ZNF787: variants seen among roughly 807,000 people sequenced by gnomAD.
ZNF787 encodes TTF-I-interacting peptide 20.
A neutral mutation model predicts 16.9 loss-of-function variants in ZNF787; 7 were observed. The observed-to-expected ratio is 0.42, with a 90% CI of 0.24 to 0.78. The LOEUF is 0.78. Among genes scored for constraint, ZNF787 ranks in the 30% least tolerant of loss-of-function variants. ZNF787 has a pLI of 0.30. For missense variants in ZNF787, 551 were observed against 589.3 expected, an observed-to-expected ratio of 0.94 and a Z score of 0.67; for synonymous variants, 345 against 270.9, an observed-to-expected ratio of 1.27 and a Z score of -2.69.
Position 56,088,197 on chromosome 19 carries a change from G to A in ZNF787, c.975C>T (p.Gly325=), listed in dbSNP as rs1464043903. Residue 325 remains glycine (G), a synonymous_variant, in exon 3 of 3, where the codon GGC becomes GGT. Transcript: ENST00000610935. The surrounding 1 kb of genome is among the most constrained non-coding windows in gnomAD (Gnocchi z 8.6). The part of the protein sequence containing the change: ...PAHICVECGE[G]FVQGAALRRH... ...TCCGGAGCGCGGCGCCCTGCACGAA[G>A]CCCTCCCCGCACTCCACGCAGATGT... The A allele has an allele frequency of 3.3e-6, 5 of 1,538,072 alleles. No individual in the cohort carries two copies. Among genetic ancestry groups the A allele is most frequent in the East Asian group, 5.4e-5 (2 of 37,218 alleles).
intron 1 of ZNF787, among the ~76,000 whole-genome samples, chr19:56,115,412 G>A (rs1476230801): frequency 6.9e-6 from 1 of 144,032 alleles, no homozygotes; most frequent in Non-Finnish European, 1.5e-5. Flanking sequence ...AGGCTGGAGT[G>A]CAGTGGCGCG....
chr19:56,090,146 G>A (rs972059397), intron 2 of ZNF787, among the ~76,000 whole-genome samples: 4 of 152,120 alleles, frequency 2.6e-5, no homozygotes, highest in African/African-American at 7.2e-5. Context: ...CACCTGGCAC[G>A]GTGGTGCCCA....
Position 56,088,475 on chromosome 19 carries a change from T to C in ZNF787, c.697A>G (p.Ile233Val). Residue 233 changes from isoleucine (I) to valine (V), a missense_variant, in exon 3 of 3, where the codon ATC becomes GTC. Physicochemically the swap from Ile to Val is conservative, Grantham distance 29. Transcript: ENST00000610935. This position sits in a 1 kb window ranked among gnomAD's most constrained non-coding sequence, Gnocchi z 8.6. Reference sequence around the variant, plus strand: ...TCGCCATCGCCCACGGGGATGGCGATCTCGCCGTCCGCCGCCACCGCCTCT... The same window carrying C: ...TCGCCATCGCCCACGGGGATGGCGACCTCGCCGTCCGCCGCCACCGCCTCT... ...PEEAVAADGE[I>V]AIPVGDGEGI... 1 of 1,335,128 alleles carries C rather than the reference T, an allele frequency of 7.5e-7. No individual in the cohort carries two copies. The highest frequency in any genetic ancestry group is 9.6e-7 in the Non-Finnish European group (1 of 1,044,790). The allele number at this position is 1,335,128 out of a possible 1,614,324, so 82.7% of individuals were successfully genotyped here. A position where few individuals can be genotyped will look rare whatever the true frequency, so the allele number is the denominator to read the frequency against.
chr19:56,092,420 G>A (rs896383977), intron 2 of ZNF787, among the ~76,000 whole-genome samples: 12 of 152,062 alleles, frequency 7.9e-5, no homozygotes, highest in African/African-American at 1.2e-4. Context: ...TACGCCCCAG[G>A]CTCTACCTCT....
chr19:56,099,843 G>A (rs1986024864), intron 2 of ZNF787, among the ~76,000 whole-genome samples: 1 of 152,098 alleles, frequency 6.6e-6, no homozygotes, highest in African/African-American at 2.4e-5. Flanking sequence ...GAGGCAGACG[G>A]GGAGACAGTG....
At chr19:56,111,460 G>A (rs1010083938) in intron 1 of ZNF787, among the ~76,000 whole-genome samples, 2 of 152,166 alleles carry the variant, frequency 1.3e-5, no homozygotes, top group Non-Finnish European at 2.9e-5. Context: ...GCACCCACCC[G>A]TGGGTGAAAT....
intron 1 of ZNF787, among the ~76,000 whole-genome samples, chr19:56,118,238 T>C (rs1047061976): frequency 6.6e-6 from 1 of 152,006 alleles, no homozygotes; most frequent in African/African-American, 2.4e-5. Flanking sequence ...TCCTTGGGGG[T>C]TGCATGGATC....
intron 1 of ZNF787, among the ~76,000 whole-genome samples, chr19:56,117,043 C>T (rs2030156626): frequency 6.6e-6 from 1 of 152,090 alleles, no homozygotes; most frequent in South Asian, 2.1e-4. Context: ...CTGGGCAGGG[C>T]AGGGTGGGAT....
Position 56,087,947 on chromosome 19 carries a change from G to T in ZNF787, c.*76C>A, listed in dbSNP as rs1418616640. On this transcript the variant is annotated 3_prime_UTR_variant, in exon 3 of 3. Transcript: ENST00000610935. Reference sequence around the variant, plus strand: ...ATCGCACCCCGTCCGCTTCTCCCTGGGTCTCTTGGTCTTGCACGTCGTCGC... The same window carrying T: ...ATCGCACCCCGTCCGCTTCTCCCTGTGTCTCTTGGTCTTGCACGTCGTCGC... 1 of 1,293,452 alleles carries T rather than the reference G, an allele frequency of 7.7e-7. No homozygotes were observed. 80.1% of individuals were successfully genotyped at this position (1,293,452 alleles called of 1,614,324 possible).
In ZNF787 at chr19:56,088,443, G is replaced by T; in HGVS notation, c.729C>A (p.Ile243=). The change falls in exon 3 of 3, where the codon ATC becomes ATA. Residue 243 remains isoleucine, a synonymous_variant. Transcript: ENST00000610935. The surrounding 1 kb of genome is among the most constrained non-coding windows in gnomAD (Gnocchi z 8.6). ...IAIPVGDGEG[I]IVVGAPGEGA... ...CCTCGCCCGGCGCGCCCACCACGAT[G>T]ATGCCCTCGCCATCGCCCACGGGGA... The T allele has an allele frequency of 8.0e-7, 1 of 1,251,230 alleles. No individual in the cohort carries two copies. The highest frequency in any genetic ancestry group is 2.3e-5 in the South Asian group (1 of 44,308). 77.5% of individuals were successfully genotyped at this position (1,251,230 alleles called of 1,614,324 possible).
intron 1 of ZNF787, among the ~76,000 whole-genome samples, chr19:56,111,669 G>T (rs2029983822): frequency 6.6e-6 from 1 of 152,046 alleles, no homozygotes; most frequent in Admixed American, 6.5e-5. Flanking sequence ...TCCGCACCGT[G>T]GCGACCTGGG....
intron 2 of ZNF787, chr19:56,102,700 C>G: frequency 3.6e-6 from 2 of 554,992 alleles, no homozygotes; most frequent in Non-Finnish European, 3.2e-6. Flanking sequence ...TCGGCATCAG[C>G]CTGCGGGTTC....
Position 56,088,610 on chromosome 19 carries a change from T to C in ZNF787, c.562A>G (p.Ser188Gly). 1 of 1,520,606 alleles carries C rather than the reference T, an allele frequency of 6.6e-7. No individual in the cohort carries two copies. 94.2% of individuals were successfully genotyped at this position (1,520,606 alleles called of 1,614,324 possible). The change falls in exon 3 of 3, where the codon AGC becomes GGC. Residue 188 changes from serine (S) to glycine (G), a missense_variant. Ser to Gly is a moderately conservative substitution (Grantham distance 56). This residue lies in a region of ZNF787 where 392 missense variants were observed against 312.7 expected (regional missense o/e 1.25). Transcript: ENST00000610935. The surrounding 1 kb of genome is among the most constrained non-coding windows in gnomAD (Gnocchi z 8.6). ...FVCPRCGRGF[S>G]QPKSLARHLR... is the part of the protein sequence containing the mutation. Reference sequence around the variant, plus strand: ...TGACGCGCGAGGCTCTTGGGCTGGCTGAAGCCGCGGCCGCAGCGCGGGCAC... The same window carrying C: ...TGACGCGCGAGGCTCTTGGGCTGGCCGAAGCCGCGGCCGCAGCGCGGGCAC...
At chr19:56,109,167 C>T (rs1261873670) in intron 1 of ZNF787, among the ~76,000 whole-genome samples, 1 of 152,118 alleles carries the variant, frequency 6.6e-6, no homozygotes, top group Non-Finnish European at 1.5e-5. Context: ...CAGGTAATTA[C>T]GTCTGTATTA....
At chr19:56,103,415 G>C in intron 1 of ZNF787, 188 bp from the exon 2 acceptor site, 4 of 474,678 alleles carry the variant, frequency 8.4e-6, no homozygotes, top group Non-Finnish European at 1.5e-5. Flanking sequence ...CCACTGCAGG[G>C]GCCAGCCAAG....
chr19:56,120,979 C>T (rs1159797471), intron 1 of ZNF787, among the ~76,000 whole-genome samples, 193 bp downstream of exon 1: 1 of 139,988 alleles, frequency 7.1e-6, no homozygotes, highest in Non-Finnish European at 1.6e-5. Flanking sequence ...CTCTTCGGCG[C>T]GCACGCGCAC....
intron 1 of ZNF787, among the ~76,000 whole-genome samples, chr19:56,112,414 G>A (rs1471256513): frequency 1.3e-5 from 2 of 152,110 alleles, no homozygotes; most frequent in Non-Finnish European, 2.9e-5. Flanking sequence ...GCACGGGCAG[G>A]GGTGCGTTCC....
chr19:56,114,989 AT>A (rs1368264690), intron 1 of ZNF787, among the ~76,000 whole-genome samples: 1 of 151,804 alleles, frequency 6.6e-6, no homozygotes, highest in Non-Finnish European at 1.5e-5. Flanking sequence ...TGAAAACCTC[AT>A]TCTTGTTCCC....
At chr19:56,096,733 A>T (rs1018729685) in intron 2 of ZNF787, among the ~76,000 whole-genome samples, 1 of 152,002 alleles carries the variant, frequency 6.6e-6, no homozygotes, top group Non-Finnish European at 1.5e-5. Flanking sequence ...TAAATAAATA[A>T]AAATAAAACA....
Sources: allele counts gnomAD v4.1 joint callset (sites outside exome capture counted in the v4.1 genomes callset), GRCh38; gene constraint gnomAD v4.1.1; regional missense constraint gnomAD v4.1.1; non-coding constraint Gnocchi (gnomAD v3.1); transcripts MANE v1.5; gene names NCBI Gene and HGNC (gene_info 2026-07-23, HGNC 2026-07-21).